The following LSAMP variants were observed in gnomAD, a reference collection of about 807,000 sequenced individuals.
The protein encoded by LSAMP is limbic system associated membrane protein, also known as limbic system-associated membrane protein.
A neutral mutation model predicts 38.6 loss-of-function variants in LSAMP; 7 were observed. That is an observed-to-expected ratio of 0.18 (90% CI 0.10 to 0.34). The LOEUF (loss-of-function observed/expected upper bound fraction) is 0.34, where lower values mean the gene tolerates loss of function less well. Ranked by LOEUF, LSAMP falls within the 10% of genes least tolerant of loss-of-function variation. The probability of loss-of-function intolerance (pLI) is 1.00; values close to 1 mark genes in which losing one functional copy is unlikely to be tolerated. For missense variants in LSAMP, 313 were observed against 420.0 expected (o/e 0.75, Z 2.23); for synonymous variants, 154 against 166.8 (o/e 0.92, Z 0.59).
chr3:115,980,439 G>A (rs981658910), intron 3 of LSAMP, among the ~76,000 whole-genome samples: 3 of 151,038 alleles, frequency 2.0e-5, no homozygotes, highest in African/African-American at 7.4e-5. Flanking sequence ...TGATCTCTCA[G>A]TTTGGAGTTT....
At chr3:115,826,956 C>CTTT (rs67125824) in intron 6 of LSAMP, among the ~76,000 whole-genome samples, 49 of 133,472 alleles carry the variant, frequency 3.7e-4, no homozygotes, top group Admixed American at 1.8e-3. Context: ...ATCATTCCGT[C>CTTT]TTTTTTTTTT....
At chr3:116,343,661 T>G (rs1426980682) in intron 1 of LSAMP, among the ~76,000 whole-genome samples, 1 of 152,068 alleles carries the variant, frequency 6.6e-6, no homozygotes. Context: ...GGTCTCTGTG[T>G]TGATTATTAA....
chr3:116,283,416 T>A (rs1473577735), intron 1 of LSAMP, among the ~76,000 whole-genome samples: 1 of 152,136 alleles, frequency 6.6e-6, no homozygotes, highest in Non-Finnish European at 1.5e-5. Flanking sequence ...CTGACTGAAT[T>A]ACACTTTAGC....
At chr3:115,908,795 G>T (rs1057059215) in intron 3 of LSAMP, among the ~76,000 whole-genome samples, 1 of 152,146 alleles carries the variant, frequency 6.6e-6, no homozygotes, top group Non-Finnish European at 1.5e-5. Flanking sequence ...AGACTTTACA[G>T]CTTTCTTTAC....
chr3:116,013,810 T>G (rs1940399377), intron 3 of LSAMP, among the ~76,000 whole-genome samples: 1 of 152,178 alleles, frequency 6.6e-6, no homozygotes, highest in Non-Finnish European at 1.5e-5. Flanking sequence ...TACATCATGA[T>G]CTCACATACA....
intron 1 of LSAMP, among the ~76,000 whole-genome samples, chr3:116,167,905 G>A (rs777062295): frequency 6.6e-6 from 1 of 152,156 alleles, no homozygotes; most frequent in Non-Finnish European, 1.5e-5. Flanking sequence ...GAAGCACTGG[G>A]CAAGGGGTAA....
chr3:116,334,613 A>C (rs1374491142), intron 1 of LSAMP, among the ~76,000 whole-genome samples: 1 of 152,184 alleles, frequency 6.6e-6, no homozygotes, highest in Non-Finnish European at 1.5e-5. Flanking sequence ...TCAATGTAAT[A>C]TATCACATTA....
intron 1 of LSAMP, among the ~76,000 whole-genome samples, chr3:116,224,995 A>C (rs2046326891): frequency 6.6e-6 from 1 of 152,224 alleles, no homozygotes; most frequent in South Asian, 2.1e-4. Context: ...ATTATAACTG[A>C]TTTTGTCTCA....
rs577361492 is a variant in LSAMP at position 116,282,322 on chromosome 3, C to T, written c.155+162555G>A. ...CAAAATATATCTTGGGGAGGCAGCC[C>T]CCTGGAAACAGCTTATAGTTTTAGG... On this transcript the variant is annotated intron_variant, in intron 1 of 6. Coordinates refer to ENST00000490035, the MANE Select transcript of LSAMP (RefSeq NM_002338.5). Among the ~76,000 whole-genome samples, 3 of 152,042 alleles carry T rather than the reference C, an allele frequency of 2.0e-5. No individual in the cohort carries two copies. The East Asian group carries it at 5.8e-4, about 29-fold the overall frequency.
intron 1 of LSAMP, among the ~76,000 whole-genome samples, chr3:116,421,781 A>C (rs187523723): frequency 7.9e-5 from 12 of 152,310 alleles, no homozygotes; most frequent in Admixed American, 6.5e-4. Context: ...AGACAACCAT[A>C]AGTGTCGACA....
At chr3:115,814,956 T>C (rs1399851566) in intron 6 of LSAMP, among the ~76,000 whole-genome samples, 1 of 152,166 alleles carries the variant, frequency 6.6e-6, no homozygotes, top group African/African-American at 2.4e-5. Context: ...CTGATAAAAT[T>C]GACTTTGGCG....
intron 3 of LSAMP, among the ~76,000 whole-genome samples, chr3:116,014,614 T>C (rs944237216): frequency 6.6e-6 from 1 of 152,204 alleles, no homozygotes; most frequent in African/African-American, 2.4e-5. Flanking sequence ...CTTTGACTAG[T>C]ACACATGCAT....
At chr3:116,029,628 T>C (rs1940874052) in intron 2 of LSAMP, among the ~76,000 whole-genome samples, 1 of 152,156 alleles carries the variant, frequency 6.6e-6, no homozygotes, top group Admixed American at 6.6e-5. Flanking sequence ...TCAGGGAAAC[T>C]GGAGCTGGAA....
chr3:116,175,007 T>G (rs1162192247), intron 1 of LSAMP, among the ~76,000 whole-genome samples: 3 of 152,090 alleles, frequency 2.0e-5, no homozygotes, highest in Non-Finnish European at 4.4e-5. Context: ...GTCTCCTCCA[T>G]CAATATGAGG....
intron 1 of LSAMP, among the ~76,000 whole-genome samples, chr3:116,200,376 G>A (rs184543633): frequency 6.6e-6 from 1 of 152,184 alleles, no homozygotes; most frequent in African/African-American, 2.4e-5. Flanking sequence ...GTATAGAAAT[G>A]TGGAATGTGC....
intron 3 of LSAMP, among the ~76,000 whole-genome samples, chr3:115,880,767 C>T (rs923979474): frequency 1.3e-5 from 2 of 152,114 alleles, no homozygotes; most frequent in Non-Finnish European, 2.9e-5. Flanking sequence ...TGTGGTGGCT[C>T]ATGCCAGTAA....
chr3:116,095,093 G>A (rs1053645131), intron 1 of LSAMP, among the ~76,000 whole-genome samples: 1 of 152,154 alleles, frequency 6.6e-6, no homozygotes, highest in African/African-American at 2.4e-5. Context: ...TTTGCAGTGT[G>A]ATGAAACCCA....
At chr3:116,287,349 G>A (rs35645830) in intron 1 of LSAMP, among the ~76,000 whole-genome samples, 1,867 of 152,116 alleles carry the variant, frequency 0.012, 19 homozygotes, top group Non-Finnish European at 0.02. Flanking sequence ...ATGAGAAGAC[G>A]CACTCCCAAG....
chr3:116,405,314 A>G (rs1487787961), intron 1 of LSAMP, among the ~76,000 whole-genome samples: 1 of 152,088 alleles, frequency 6.6e-6, no homozygotes, highest in African/African-American at 2.4e-5. Context: ...TACCTTCTAG[A>G]CAGACAAGCT....
Sources: allele counts gnomAD v4.1 joint callset (sites outside exome capture counted in the v4.1 genomes callset), GRCh38; gene constraint gnomAD v4.1.1; transcripts MANE v1.5; gene names NCBI Gene and HGNC (gene_info 2026-07-23, HGNC 2026-07-21).